DNAI4: variants seen among roughly 807,000 people sequenced by gnomAD.
DNAI4 encodes the protein WD repeat domain 78.
Under a neutral mutation model 105.8 loss-of-function variants are expected in DNAI4, and 85 were observed. The ratio of observed to expected loss-of-function variants is 0.80; its 90% CI spans 0.67 to 0.96. The LOEUF (loss-of-function observed/expected upper bound fraction) is 0.96. DNAI4 is among the 40% of genes least tolerant of loss of function. The pLI is 0.00. For synonymous variants in DNAI4, 352 were observed against 331.5 expected (o/e 1.06, Z -0.67); for missense variants, 1,014 against 1,005.6 (o/e 1.01, Z -0.11).
chr1:66,903,691 T>G (rs753470475), intron 2 of DNAI4, among the ~76,000 whole-genome samples: 1 of 152,154 alleles, frequency 6.6e-6, no homozygotes, highest in Non-Finnish European at 1.5e-5. Flanking sequence ...AGACGGGGTT[T>G]CACCATTTGG....
intron 12 of DNAI4, 81 bp downstream of exon 12, chr1:66,833,910 T>G: frequency 1.3e-6 from 2 of 1,486,624 alleles, no homozygotes; most frequent in Non-Finnish European, 1.8e-6. Context: ...AAACCAAAAT[T>G]TGTCATCTTT....
At position 66,822,468 on chromosome 1, in the gene DNAI4, T is replaced by C; in HGVS notation, c.2389A>G (p.Thr797Ala). ...TCTGTTTGTTTGGCAAAGAGAATGG[T>C]TGTGAACTTGATTCCAGGGTTAGCA... ...NTANPGIKFT[T>A]ILFAKQTDCL... The change falls in exon 16 of 17, where the codon ACC becomes GCC. Residue 797 changes from threonine to alanine, a missense_variant. By Grantham distance (58) the Thr-to-Ala change is moderately conservative. Transcript: ENST00000371026. The C allele has an allele frequency of 1.2e-6, 2 of 1,612,906 alleles. No individual in the cohort carries two copies. The highest frequency in any genetic ancestry group is 1.7e-6 in the Non-Finnish European group (2 of 1,179,522).
intron 2 of DNAI4, among the ~76,000 whole-genome samples, chr1:66,904,359 G>C (rs556572479): frequency 6.8e-4 from 104 of 152,180 alleles, no homozygotes; most frequent in South Asian, 1.7e-3. Flanking sequence ...CCACATACTT[G>C]TCAATACTTG....
chr1:66,916,100 A>AAAAG (rs1553232277), intron 1 of DNAI4, among the ~76,000 whole-genome samples: 1 of 151,446 alleles, frequency 6.6e-6, no homozygotes, highest in Non-Finnish European at 1.5e-5. Context: ...AAAAAAAAAA[A>AAAAG]AAGAATCCCA....
At chr1:66,907,098 A>G (rs1213584339) in intron 1 of DNAI4, 2 of 152,060 alleles carry the variant, frequency 1.3e-5, no homozygotes, top group Non-Finnish European at 2.9e-5. Flanking sequence ...CTATTACTAT[A>G]TCTCTCCTTC....
intron 9 of DNAI4, among the ~76,000 whole-genome samples, chr1:66,838,881 T>C (rs529419414): frequency 2.0e-5 from 3 of 152,346 alleles, no homozygotes; most frequent in African/African-American, 7.2e-5. Context: ...TTTGAAATTA[T>C]TATATAGGCA....
At chr1:66,895,487 AT>A (rs1648244299) in intron 2 of DNAI4, among the ~76,000 whole-genome samples, 1 of 152,186 alleles carries the variant, frequency 6.6e-6, no homozygotes, top group Non-Finnish European at 1.5e-5. Flanking sequence ...TTTTTTTCAA[AT>A]AAAAAAAATC....
intron 2 of DNAI4, among the ~76,000 whole-genome samples, chr1:66,898,514 G>A (rs767274723): frequency 3.3e-5 from 5 of 152,194 alleles, no homozygotes; most frequent in Non-Finnish European, 7.4e-5. Flanking sequence ...GTTATCAAGG[G>A]AGTGGATTAG....
intron 2 of DNAI4, among the ~76,000 whole-genome samples, chr1:66,902,125 G>T (rs777089742): frequency 4.6e-5 from 7 of 152,138 alleles, no homozygotes; most frequent in Non-Finnish European, 8.8e-5. Context: ...GAGCCACCAT[G>T]CCTGGCCCTA....
intron 10 of DNAI4, among the ~76,000 whole-genome samples, 176 bp from the exon 11 acceptor site, chr1:66,835,953 C>A (rs1330984303): frequency 6.6e-6 from 1 of 151,698 alleles, no homozygotes; most frequent in African/African-American, 2.4e-5. Context: ...CTCACTTGGT[C>A]ATTTCCTTTG....
chr1:66,919,126 A>G (rs189131838), intron 1 of DNAI4: 237 of 444,614 alleles, frequency 5.3e-4, no homozygotes, highest in African/African-American at 4.5e-3. Flanking sequence ...CCTAAAATGT[A>G]TAAAACAAAG....
At chr1:66,874,062 G>A (rs1646910511) in intron 5 of DNAI4, among the ~76,000 whole-genome samples, 1 of 151,340 alleles carries the variant, frequency 6.6e-6, no homozygotes, top group African/African-American at 2.4e-5. Flanking sequence ...TAATACTTTA[G>A]GTAAAATAAT....
chr1:66,844,084 C>CA (rs55925419), intron 8 of DNAI4, among the ~76,000 whole-genome samples: 14,682 of 66,090 alleles, frequency 0.22, 2,805 homozygotes, highest in African/African-American at 0.37. Flanking sequence ...ACTGGAGATT[C>CA]AAAAAAAAAA....
At position 66,890,428 on chromosome 1, in the gene DNAI4, C is replaced by G. The variant is rs1005124157; in HGVS notation, c.643+726G>C. 9 of 152,302 alleles carry G rather than the reference C, an allele frequency of 5.9e-5. No homozygotes were observed. The highest frequency in any genetic ancestry group is 2.2e-4 in the African/African-American group (9 of 41,272). 9.4% of individuals were successfully genotyped at this position (152,302 alleles called of 1,614,324 possible). Reference sequence around the variant, plus strand: ...CCTGGCCAACATGATGAAACCCCGTCTCTATTAAAAATACAAAAAAATTAG... The same window carrying G: ...CCTGGCCAACATGATGAAACCCCGTGTCTATTAAAAATACAAAAAAATTAG... On this transcript the variant is annotated intron_variant, in intron 4 of 16. Coordinates refer to ENST00000371026, the MANE Select transcript of DNAI4 (RefSeq NM_024763.5). This position sits in a 1 kb window ranked among gnomAD's most constrained non-coding sequence, Gnocchi z 4.1.
intron 13 of DNAI4, 69 bp from the exon 14 acceptor site, chr1:66,827,979 A>G (rs1450943331): frequency 2.1e-6 from 2 of 959,588 alleles, no homozygotes; most frequent in East Asian, 2.6e-5. Context: ...AGAAGATTAG[A>G]TATTTCTGGA....
Position 66,833,645 on chromosome 1 carries a change from C to T in DNAI4, c.1953G>A (p.Lys651=). The T allele has an allele frequency of 6.2e-7, 1 of 1,613,368 alleles. No individual in the cohort carries two copies. Among genetic ancestry groups the T allele is most frequent in the East Asian group, 2.2e-5 (1 of 44,836 alleles). The change falls in exon 13 of 17, where the codon AAG becomes AAA. Residue 651 remains lysine, a synonymous_variant. Coordinates refer to ENST00000371026, the MANE Select transcript of DNAI4 (RefSeq NM_024763.5). The part of the protein sequence containing the change: ...ASNKKGGEKE[K]KDEALISRQA... ...GTCGAGATATCAAAGCTTCATCTTT[C>T]TTTTCCTTTTCCCCTCCTTTTTTGT...
intron 15 of DNAI4, among the ~76,000 whole-genome samples, chr1:66,825,862 A>C (rs1379624128): frequency 6.6e-6 from 1 of 152,228 alleles, no homozygotes; most frequent in Admixed American, 6.5e-5. Flanking sequence ...AATCCATTGA[A>C]TTTGACATCA....
chr1:66,887,255 T>C (rs1647238734), intron 4 of DNAI4, among the ~76,000 whole-genome samples: 1 of 152,242 alleles, frequency 6.6e-6, no homozygotes, highest in South Asian at 2.1e-4. Context: ...TAAGTAACTC[T>C]TGGGAACTGT....
chr1:66,839,694 T>TTA (rs1191499595), intron 9 of DNAI4, among the ~76,000 whole-genome samples: 1 of 152,180 alleles, frequency 6.6e-6, no homozygotes. Flanking sequence ...TACTCTATAA[T>TTA]TATCTCTTTT....
Sources: allele counts gnomAD v4.1 joint callset (sites outside exome capture counted in the v4.1 genomes callset), GRCh38; gene constraint gnomAD v4.1.1; non-coding constraint Gnocchi (gnomAD v3.1); transcripts MANE v1.5; gene names NCBI Gene and HGNC (gene_info 2026-07-23, HGNC 2026-07-21).